The following ANO2 variants were observed in gnomAD, a reference collection of about 807,000 sequenced individuals.
The protein encoded by ANO2 is anoctamin-2.
In ANO2, 101 loss-of-function variants were observed where a neutral mutation model predicts 124.2. That is an observed-to-expected ratio of 0.81 (90% CI 0.69 to 0.96). ANO2 has a LOEUF of 0.96. ANO2 is among the 40% of genes least tolerant of loss of function. The pLI is 0.00. For missense variants in ANO2, 1,293 were observed against 1,274.5 expected, an observed-to-expected ratio of 1.01 and a Z score of -0.22; for synonymous variants, 486 against 482.5, an observed-to-expected ratio of 1.01 and a Z score of -0.09.
chr12:5,920,097 A>G (rs926215222), intron 3 of ANO2, among the ~76,000 whole-genome samples: 11 of 151,792 alleles, frequency 7.2e-5, no homozygotes, highest in African/African-American at 2.7e-4. Flanking sequence ...GCATGCATGC[A>G]TGGGTGGGTG....
chr12:5,826,278 G>A (rs1253676751), intron 7 of ANO2, among the ~76,000 whole-genome samples: 1 of 152,036 alleles, frequency 6.6e-6, no homozygotes, highest in Non-Finnish European at 1.5e-5. Flanking sequence ...CAGGAGATGT[G>A]TATGGGTTCA....
intron 23 of ANO2, among the ~76,000 whole-genome samples, chr12:5,573,414 G>T (rs1019386646): frequency 1.3e-5 from 2 of 152,180 alleles, no homozygotes; most frequent in Non-Finnish European, 2.9e-5. Context: ...AGTCACACTG[G>T]TGCTGCCTCC....
intron 10 of ANO2, among the ~76,000 whole-genome samples, chr12:5,756,740 AC>A (rs1951594109): frequency 1.3e-5 from 2 of 149,116 alleles, no homozygotes; most frequent in African/African-American, 2.5e-5. Flanking sequence ...TGCGCCACAG[AC>A]AGAGATTCTG....
At chr12:5,871,622 T>C (rs57049008) in intron 3 of ANO2, among the ~76,000 whole-genome samples, 10,766 of 152,160 alleles carry the variant, frequency 0.071, 879 homozygotes, top group African/African-American at 0.2. Flanking sequence ...ATGCTCCTTA[T>C]GAGAATTTAA....
At chr12:5,883,502 G>GGTGTGT (rs5796191) in intron 3 of ANO2, among the ~76,000 whole-genome samples, 2,158 of 144,660 alleles carry the variant, frequency 0.015, 42 homozygotes, top group African/African-American at 0.046. Flanking sequence ...ACATTAGGGT[G>GGTGTGT]GTGTGTGTGT....
chr12:5,923,259 C>CACACACGCATACACACACAT lies in ANO2; in HGVS notation c.23-456_23-455insATGTGTGTGTATGCGTGTGT, dbSNP rs1941912527. Among the ~76,000 whole-genome samples, 5 of 9,206 alleles carry CACACACGCATACACACACAT rather than the reference C, an allele frequency of 5.4e-4. No homozygotes were observed. In the Admixed American group the frequency reaches 5.9e-3, roughly 11 times the overall value. The allele number at this position is 9,206 out of a possible 152,430, so 6.0% of individuals were successfully genotyped here. On this transcript the variant is annotated intron_variant, in intron 1 of 24. Coordinates refer to ENST00000682330, the MANE Select transcript of ANO2 (RefSeq NM_001364791.2). ...ATACACACACGCATACACACACATA[C>CACACACGCATACACACACAT]ACACACACACACACACACACGCACA... is the stretch of plus-strand genomic sequence containing the variant.
intron 23 of ANO2, among the ~76,000 whole-genome samples, chr12:5,575,624 A>C (rs539961680): frequency 2.8e-4 from 43 of 152,362 alleles, no homozygotes; most frequent in African/African-American, 1.0e-3. Flanking sequence ...TATAGTGGTA[A>C]GTATTTGTGT....
At chr12:5,812,583 GAA>G (rs1425617319) in intron 7 of ANO2, among the ~76,000 whole-genome samples, 1 of 1,552 alleles carries the variant, frequency 6.4e-4, no homozygotes, top group Admixed American at 7.4e-3. Flanking sequence ...AAAAGAAAGA[GAA>G]AGAAAGAGGA....
chr12:5,639,856 G>A (rs1236239083), intron 15 of ANO2, among the ~76,000 whole-genome samples: 1 of 152,130 alleles, frequency 6.6e-6, no homozygotes, highest in Admixed American at 6.6e-5. Flanking sequence ...CAAATAGGGA[G>A]ATCAGTGAAG....
intron 9 of ANO2, among the ~76,000 whole-genome samples, chr12:5,802,547 C>A (rs1016196682): frequency 3.9e-5 from 6 of 152,204 alleles, no homozygotes; most frequent in Non-Finnish European, 2.9e-5. Flanking sequence ...TAGTTAAGAG[C>A]AAGTGGATCA....
rs1229818376 is a variant in ANO2, at chr12:5,739,312, C to G, written c.1434+5G>C. ...AGTATGTGAGAAATACGTGAGAGAA[C>G]TCACTTCTTCCTCTTCTATGCCAGT... On this transcript the variant is annotated splice_donor_5th_base_variant and intron_variant, in intron 13 of 24. Transcript: ENST00000682330. 5 of 1,594,836 alleles carry G rather than the reference C, an allele frequency of 3.1e-6. No individual in the cohort carries two copies. Among genetic ancestry groups the G allele is most frequent in the African/African-American group, 1.3e-5 (1 of 74,646 alleles).
At chr12:5,649,177 C>T (rs1053326202) in intron 14 of ANO2, among the ~76,000 whole-genome samples, 4 of 152,058 alleles carry the variant, frequency 2.6e-5, no homozygotes, top group African/African-American at 9.7e-5. Context: ...ATCTTGGGAG[C>T]GAGCCTGAAG....
intron 16 of ANO2, among the ~76,000 whole-genome samples, chr12:5,622,978 A>G (rs1945198727): frequency 6.6e-6 from 1 of 151,540 alleles, no homozygotes; most frequent in South Asian, 2.1e-4. Context: ...AAAAAAAAAA[A>G]AAGAAACGAA....
chr12:5,852,588 T>G (rs1954945004), intron 4 of ANO2, among the ~76,000 whole-genome samples: 1 of 152,112 alleles, frequency 6.6e-6, no homozygotes, highest in African/African-American at 2.4e-5. Context: ...GAGTGATTTT[T>G]GATGGAGATA....
intron 3 of ANO2, among the ~76,000 whole-genome samples, chr12:5,895,297 T>C (rs1160076917): frequency 1.3e-5 from 2 of 152,220 alleles, no homozygotes; most frequent in Non-Finnish European, 2.9e-5. Context: ...TGTTTGTCTA[T>C]TATTGGTGTA....
chr12:5,686,047 A>G (rs1400110266), intron 14 of ANO2, among the ~76,000 whole-genome samples: 2 of 152,192 alleles, frequency 1.3e-5, no homozygotes, highest in Non-Finnish European at 2.9e-5. Flanking sequence ...ATCAGGCAGC[A>G]GAGACAAGCC....
At chr12:5,568,928 G>A (rs893984089) in intron 23 of ANO2, among the ~76,000 whole-genome samples, 7 of 152,218 alleles carry the variant, frequency 4.6e-5, no homozygotes, top group Non-Finnish European at 1.0e-4. Flanking sequence ...GGTCAACGCC[G>A]AGTGCTCCGC....
chr12:5,688,457 G>A (rs1159186368), intron 14 of ANO2, among the ~76,000 whole-genome samples: 1 of 152,160 alleles, frequency 6.6e-6, no homozygotes, highest in Non-Finnish European at 1.5e-5. Context: ...TTTTCTTCCA[G>A]TCAATCCTTA....
intron 15 of ANO2, among the ~76,000 whole-genome samples, chr12:5,642,529 GC>G (rs1288105163): frequency 6.6e-6 from 1 of 152,068 alleles, no homozygotes; most frequent in East Asian, 1.9e-4. Flanking sequence ...ATCTCACCCT[GC>G]CCAGGCCACC....
Sources: allele counts gnomAD v4.1 joint callset (sites outside exome capture counted in the v4.1 genomes callset), GRCh38; gene constraint gnomAD v4.1.1; transcripts MANE v1.5; gene names NCBI Gene and HGNC (gene_info 2026-07-23, HGNC 2026-07-21).